The following TLN2 variants were observed in gnomAD, a reference collection of about 807,000 sequenced individuals.
TLN2 encodes talin-2.
A neutral mutation model predicts 294.7 loss-of-function variants in TLN2; 118 were observed. That is an observed-to-expected ratio of 0.40 (90% CI 0.34 to 0.47). The LOEUF is 0.47. Among genes scored for constraint, TLN2 ranks in the 20% least tolerant of loss-of-function variants. TLN2 has a pLI of 0.84. For missense variants in TLN2, 3,083 were observed against 3,282.2 expected (o/e 0.94, Z 1.48); for synonymous variants, 1,431 against 1,304.5 (o/e 1.10, Z -2.09).
chr15:62,562,906 T>TCACACA (rs61578830), intron 1 of TLN2, among the ~76,000 whole-genome samples: 2,118 of 99,258 alleles, frequency 0.021, 59 homozygotes, highest in Non-Finnish European at 0.027. Context: ...TAGTATTCCA[T>TCACACA]CACACACACA....
At chr15:62,405,874 C>G (rs750755186) in intron 1 of TLN2, among the ~76,000 whole-genome samples, 4 of 152,200 alleles carry the variant, frequency 2.6e-5, no homozygotes, top group Admixed American at 6.5e-5. Context: ...GTGCCCCGAT[C>G]TTGTGACAGT....
chr15:62,623,830 G>A (rs546464959), intron 3 of TLN2, among the ~76,000 whole-genome samples: 1 of 152,324 alleles, frequency 6.6e-6, no homozygotes, highest in Non-Finnish European at 1.5e-5. Flanking sequence ...AAATATGAGA[G>A]AAAGGCATAT....
intron 42 of TLN2, 35 bp downstream of exon 42, chr15:62,771,169 C>T (rs2063329306): frequency 1.3e-6 from 2 of 1,543,838 alleles, no homozygotes; most frequent in South Asian, 2.5e-5. Flanking sequence ...CACTTAGGAC[C>T]ACTAAGAAGC....
intron 1 of TLN2, among the ~76,000 whole-genome samples, chr15:62,583,615 T>G (rs562912711): frequency 1.3e-5 from 2 of 152,154 alleles, no homozygotes; most frequent in Non-Finnish European, 2.9e-5. Flanking sequence ...CATTTCAAAG[T>G]CAATTTAAAA....
chr15:62,551,417 A>G (rs1381782295), intron 1 of TLN2, among the ~76,000 whole-genome samples: 1 of 152,080 alleles, frequency 6.6e-6, no homozygotes, highest in Non-Finnish European at 1.5e-5. Context: ...CACGCCTGTA[A>G]TCTCAGCACG....
intron 52 of TLN2, among the ~76,000 whole-genome samples, chr15:62,815,135 A>G (rs1029137144): frequency 1.3e-5 from 2 of 151,756 alleles, no homozygotes; most frequent in Non-Finnish European, 2.9e-5. Flanking sequence ...CAGGTGATAG[A>G]TTTAAAAAGC....
At chr15:62,435,018 G>A (rs2471036) in intron 1 of TLN2, among the ~76,000 whole-genome samples, 134,173 of 152,170 alleles carry the variant, frequency 0.88, 61,272 homozygotes, top group East Asian at 0.99. Flanking sequence ...TGCAGTGTTT[G>A]GTTTTTCTGT....
At chr15:62,757,101 T>C (rs1275970009) in intron 37 of TLN2, among the ~76,000 whole-genome samples, 1 of 152,202 alleles carries the variant, frequency 6.6e-6, no homozygotes, top group African/African-American at 2.4e-5. Flanking sequence ...TGTTACTCAT[T>C]CACTCCATAC....
intron 1 of TLN2, among the ~76,000 whole-genome samples, chr15:62,564,925 A>T (rs3927030): frequency 0.8 from 65,925 of 82,502 alleles, 26,867 homozygotes; most frequent in South Asian, 0.87. Flanking sequence ...AAAAAAAAAA[A>T]ATATATATAT....
chr15:62,676,334 G>A (rs2056183509), intron 11 of TLN2, among the ~76,000 whole-genome samples: 2 of 152,150 alleles, frequency 1.3e-5, no homozygotes, highest in South Asian at 4.1e-4. Flanking sequence ...AACCAAACTA[G>A]CTCTCAGTTT....
At chr15:62,590,000 GGTTTTT>G (rs56773746) in intron 2 of TLN2, among the ~76,000 whole-genome samples, 23 of 151,038 alleles carry the variant, frequency 1.5e-4, no homozygotes, top group Admixed American at 4.0e-4. Context: ...TGAGTAGCTG[GGTTTTT>G]GTTTTTGTTT....
intron 54 of TLN2, chr15:62,823,913 T>C (rs750901516): frequency 5.8e-6 from 3 of 513,344 alleles, no homozygotes; most frequent in Non-Finnish European, 4.0e-6. Context: ...TAACCTTCAA[T>C]ACTGTGCCTA....
chr15:62,471,958 C>T (rs1402115109), intron 1 of TLN2, among the ~76,000 whole-genome samples: 1 of 152,140 alleles, frequency 6.6e-6, no homozygotes, highest in Non-Finnish European at 1.5e-5. Context: ...GCATTTCCTG[C>T]CTCCTTTCTT....
intron 3 of TLN2, 64 bp from the exon 4 acceptor site, chr15:62,647,211 T>G (rs529061949): frequency 1.2e-5 from 17 of 1,432,068 alleles, no homozygotes; most frequent in African/African-American, 1.0e-4. Context: ...ACTTTTTTTG[T>G]TTTTTTTTCC....
intron 1 of TLN2, among the ~76,000 whole-genome samples, chr15:62,515,227 C>T (rs977050422): frequency 1.3e-5 from 2 of 152,172 alleles, no homozygotes; most frequent in Non-Finnish European, 2.9e-5. Context: ...GTATATTTAT[C>T]ATATCAGTTA....
chr15:62,724,661 C>G (rs1398429073), intron 26 of TLN2, among the ~76,000 whole-genome samples: 1 of 152,128 alleles, frequency 6.6e-6, no homozygotes, highest in Non-Finnish European at 1.5e-5. Flanking sequence ...TGCCCTACCT[C>G]TAGAACTCAG....
chr15:62,528,670 C>CTTTTTTTTT (rs3055755), intron 1 of TLN2, among the ~76,000 whole-genome samples: 1 of 96,784 alleles, frequency 1.0e-5, no homozygotes, highest in Non-Finnish European at 1.9e-5. Context: ...CCAGAGCTTG[C>CTTTTTTTTT]TTTTTTTTTT....
At chr15:62,676,095 C>T (rs1011443782) in intron 11 of TLN2, among the ~76,000 whole-genome samples, 5 of 152,146 alleles carry the variant, frequency 3.3e-5, no homozygotes, top group African/African-American at 9.7e-5. Context: ...AGCCGTGTTG[C>T]GGCTGCATCC....
intron 10 of TLN2, 44 bp downstream of exon 10, chr15:62,673,934 T>C: frequency 6.6e-7 from 1 of 1,517,622 alleles, no homozygotes; most frequent in East Asian, 2.3e-5. Context: ...TCACTCCCCA[T>C]CCTCATTTAT....
Sources: gnomAD v4.1 joint callset for allele counts (sites outside exome capture counted in the v4.1 genomes callset) on GRCh38, gnomAD v4.1.1 for gene constraint, MANE v1.5 for transcripts, NCBI Gene and HGNC (gene_info 2026-07-23, HGNC 2026-07-21) for gene names.